The following VPS50 variants were observed in gnomAD, a reference collection of about 807,000 sequenced individuals.
The protein encoded by VPS50 is syndetin.
A neutral mutation model predicts 139.7 loss-of-function variants in VPS50; 70 were observed. The ratio of observed to expected loss-of-function variants is 0.50; its 90% CI spans 0.41 to 0.61. VPS50 has a LOEUF of 0.61. VPS50 is among the 20% of genes least tolerant of loss of function. The pLI is 0.00. For synonymous variants in VPS50, 365 were observed against 376.7 expected, an observed-to-expected ratio of 0.97 and a Z score of 0.36; for missense variants, 921 against 1,133.7, an observed-to-expected ratio of 0.81 and a Z score of 2.69.
intron 21 of VPS50, among the ~76,000 whole-genome samples, chr7:93,326,196 G>A (rs1797766600): frequency 6.7e-6 from 1 of 148,394 alleles, no homozygotes; most frequent in South Asian, 2.1e-4. Flanking sequence ...CTATCACAAG[G>A]ACAAAAAACC....
At chr7:93,276,688 C>G (rs1358009534) in intron 12 of VPS50, among the ~76,000 whole-genome samples, 1 of 152,178 alleles carries the variant, frequency 6.6e-6, no homozygotes, top group Non-Finnish European at 1.5e-5. Context: ...CTGCCTTTGT[C>G]AGCATCTGTA....
chr7:93,325,814 T>C (rs1797752423), intron 21 of VPS50, among the ~76,000 whole-genome samples: 1 of 150,972 alleles, frequency 6.6e-6, no homozygotes. Flanking sequence ...CTGGAGAGGA[T>C]GTGGAGAAAT....
At chr7:93,326,140 C>G (rs964988903) in intron 21 of VPS50, among the ~76,000 whole-genome samples, 2 of 151,776 alleles carry the variant, frequency 1.3e-5, no homozygotes, top group Non-Finnish European at 2.9e-5. Flanking sequence ...AGTTCATGTC[C>G]TTTGTAGGGA....
chr7:93,296,393 G>A (rs954968857), intron 14 of VPS50, among the ~76,000 whole-genome samples: 2 of 152,162 alleles, frequency 1.3e-5, no homozygotes, highest in African/African-American at 2.4e-5. Context: ...GATCAGATAT[G>A]ATTTGTTTCT....
chr7:93,252,893 A>G, intron 3 of VPS50, 118 bp downstream of exon 3: 1 of 678,512 alleles, frequency 1.5e-6, no homozygotes, highest in Non-Finnish European at 2.5e-6. Flanking sequence ...TAGGTCTGTG[A>G]TTACCACATT....
At chr7:93,303,624 C>G in intron 17 of VPS50, 74 bp downstream of exon 17, 1 of 619,154 alleles carries the variant, frequency 1.6e-6, no homozygotes, top group Non-Finnish European at 2.8e-6. Flanking sequence ...AAAAAAAAAT[C>G]CAGAAATATA....
chr7:93,299,254 C>T (rs1479232089), intron 16 of VPS50, among the ~76,000 whole-genome samples: 1 of 152,050 alleles, frequency 6.6e-6, no homozygotes, highest in African/African-American at 2.4e-5. Flanking sequence ...TGTTTCTTTA[C>T]AAAACAAGAT....
intron 20 of VPS50, among the ~76,000 whole-genome samples, chr7:93,318,420 A>C (rs981461910): frequency 8.5e-5 from 13 of 152,168 alleles, no homozygotes; most frequent in Non-Finnish European, 5.9e-5. Flanking sequence ...AGCTGAACCA[A>C]CTTTCCTTTA....
intron 12 of VPS50, among the ~76,000 whole-genome samples, chr7:93,283,976 G>A (rs1355616455): frequency 6.6e-6 from 1 of 152,198 alleles, no homozygotes; most frequent in Non-Finnish European, 1.5e-5. Flanking sequence ...AGTAACTAGT[G>A]TTAACTGTCT....
At chr7:93,354,818 C>T (rs116636477) in intron 26 of VPS50, among the ~76,000 whole-genome samples, 2,408 of 152,148 alleles carry the variant, frequency 0.016, 66 homozygotes, top group African/African-American at 0.055. Context: ...CCCTGAGAAG[C>T]GAACAGCTAT....
chr7:93,272,708 C>A lies in VPS50; in HGVS notation c.776C>A (p.Ala259Asp). The change falls in exon 11 of 28, where the codon GCT becomes GAT. Residue 259 changes from alanine (A) to aspartate (D), a missense_variant. Ala to Asp is a moderately radical substitution (Grantham distance 126). This residue lies in a region of VPS50 where 744 missense variants were observed against 930.6 expected (regional missense o/e 0.80). Coordinates refer to ENST00000305866, the MANE Select transcript of VPS50 (RefSeq NM_017667.4). The part of the protein sequence containing the change: ...DINHYTKVQQ[A>D]YRLLGKTQTA... ...AACCATTATACCAAGGTTCAACAAG[C>A]TTATCGACTTCTTGGAAAAACACAG... 6.4e-7 allele frequency: 1 copy of A among 1,553,210 alleles called. No homozygotes were observed. The highest frequency in any genetic ancestry group is 8.8e-7 in the Non-Finnish European group (1 of 1,140,312).
intron 27 of VPS50, among the ~76,000 whole-genome samples, chr7:93,357,745 T>A (rs1798745694): frequency 6.6e-6 from 1 of 152,154 alleles, no homozygotes; most frequent in South Asian, 2.1e-4. Flanking sequence ...AGCAATTCAG[T>A]ATCTAAAATT....
At chr7:93,300,074 A>C (rs1177269794) in intron 16 of VPS50, among the ~76,000 whole-genome samples, 1 of 152,168 alleles carries the variant, frequency 6.6e-6, no homozygotes. Flanking sequence ...AAGAAAATGC[A>C]ACAAATTAGA....
chr7:93,250,346 A>C (rs1795284632), intron 2 of VPS50, among the ~76,000 whole-genome samples: 1 of 152,120 alleles, frequency 6.6e-6, no homozygotes, highest in Non-Finnish European at 1.5e-5. Context: ...CTCTTCTTAC[A>C]AATAAAAAAT....
intron 12 of VPS50, among the ~76,000 whole-genome samples, chr7:93,277,242 A>G (rs1796184846): frequency 6.6e-6 from 1 of 152,170 alleles, no homozygotes; most frequent in South Asian, 2.1e-4. Flanking sequence ...TTCAAGAAGA[A>G]TGGAACCTAT....
intron 10 of VPS50, among the ~76,000 whole-genome samples, chr7:93,272,279 C>T (rs1297235567): frequency 6.6e-6 from 1 of 151,638 alleles, no homozygotes; most frequent in Non-Finnish European, 1.5e-5. Flanking sequence ...CTCCAGTAGT[C>T]CCACAAATTC....
intron 1 of VPS50, among the ~76,000 whole-genome samples, chr7:93,235,353 G>A (rs541492285): frequency 1.3e-5 from 2 of 152,326 alleles, no homozygotes; most frequent in South Asian, 4.1e-4. Context: ...TTCATTCTGA[G>A]TGAAATGGCA....
At chr7:93,309,081 T>C in intron 19 of VPS50, 139 bp downstream of exon 19, 1 of 446,798 alleles carries the variant, frequency 2.2e-6, no homozygotes. Flanking sequence ...TAGTATGTTT[T>C]AAAAAATGAT....
At position 93,341,516 on chromosome 7, in the gene VPS50, T is replaced by A; in HGVS notation, c.2148T>A (p.Val716=). The A allele has an allele frequency of 6.2e-7, 1 of 1,612,172 alleles. No individual in the cohort carries two copies. The highest frequency in any genetic ancestry group is 8.5e-7 in the Non-Finnish European group (1 of 1,178,452). ...GTCCACACCTCAGTCACCTAGTGGTTTTGACATCTGGGGATACGCTGTATG... is the reference window on the plus strand; with the variant it reads ...GTCCACACCTCAGTCACCTAGTGGTATTGACATCTGGGGATACGCTGTATG... ...VPSPHLSHLV[V]LTSGDTLYGL... Residue 716 remains valine, a synonymous_variant, in exon 23 of 28, where the codon GTT becomes GTA. Transcript: ENST00000305866.
Sources: allele counts gnomAD v4.1 joint callset (sites outside exome capture counted in the v4.1 genomes callset), GRCh38; gene constraint gnomAD v4.1.1; regional missense constraint gnomAD v4.1.1; transcripts MANE v1.5; gene names NCBI Gene and HGNC (gene_info 2026-07-23, HGNC 2026-07-21).